The following SHKBP1 variants were observed in gnomAD, a reference collection of about 807,000 sequenced individuals.
SHKBP1 encodes SH3KBP1 binding protein 1.
Under a neutral mutation model 83.9 loss-of-function variants are expected in SHKBP1, and 71 were observed. The observed-to-expected ratio is 0.85, with a 90% CI of 0.70 to 1.03. SHKBP1 has a LOEUF of 1.03. Among genes scored for constraint, SHKBP1 ranks in the 50% least tolerant of loss-of-function variants. The pLI is 0.00. For missense variants in SHKBP1, 824 were observed against 982.4 expected (o/e 0.84, Z 2.16); for synonymous variants, 371 against 398.0 (o/e 0.93, Z 0.81).
At chr19:40,577,845 T>C (rs2081231720) in intron 4 of SHKBP1, 1 of 642,812 alleles carries the variant, frequency 1.6e-6, no homozygotes, top group Non-Finnish European at 2.7e-6. Context: ...ATTTGGAGAC[T>C]AGCCTGGGCA....
At chr19:40,578,837 A>T (rs2081244629) in intron 6 of SHKBP1, among the ~76,000 whole-genome samples, 1 of 152,050 alleles carries the variant, frequency 6.6e-6, no homozygotes, top group Non-Finnish European at 1.5e-5. Context: ...GATTCTTCGT[A>T]TGGAGGGGAG....
At chr19:40,587,825 G>GC (rs549682760) in intron 13 of SHKBP1, among the ~76,000 whole-genome samples, 1 of 151,998 alleles carries the variant, frequency 6.6e-6, no homozygotes, top group South Asian at 2.1e-4. Flanking sequence ...GATCACTTGA[G>GC]CCCAAGAGTC....
chr19:40,586,670 C>G, intron 12 of SHKBP1, 104 bp from the exon 13 acceptor site: 2 of 1,216,060 alleles, frequency 1.6e-6, no homozygotes, highest in Non-Finnish European at 2.2e-6. Flanking sequence ...CCGGCCTCTC[C>G]TTGCTTTCTG....
rs2081219310 is a variant in SHKBP1 at position 40,577,066 on chromosome 19, C to G, written c.86+81C>G. 5 of 1,315,958 alleles carry G rather than the reference C, an allele frequency of 3.8e-6. No homozygotes were observed. The East Asian group carries it at 1.2e-4, about 33-fold the overall frequency. 81.5% of individuals were successfully genotyped at this position (1,315,958 alleles called of 1,614,324 possible). On this transcript the variant is annotated intron_variant, in intron 1 of 17. Coordinates refer to ENST00000291842, the MANE Select transcript of SHKBP1 (RefSeq NM_138392.4). ...GTATCCGCCTCTCCTGGGGGAATCC[C>G]TGTCCATCAAGGGTTGCTCCGCCCC...
At chr19:40,578,374 G>A (rs920815738) in intron 5 of SHKBP1, 88 bp from the exon 6 acceptor site, 1 of 1,506,240 alleles carries the variant, frequency 6.6e-7, no homozygotes, top group East Asian at 2.3e-5. Flanking sequence ...AGGAGTATTG[G>A]TACTCTGTGT....
chr19:40,582,613 T>C, intron 10 of SHKBP1, 147 bp downstream of exon 10: 1 of 654,242 alleles, frequency 1.5e-6, no homozygotes, highest in South Asian at 1.9e-5. Flanking sequence ...TGGGGATGTC[T>C]GTGATAAAGG....
In SHKBP1 at chr19:40,591,023, G is replaced by T. The variant is rs1292470367; in HGVS notation, c.1940G>T (p.Ser647Ile). ...ACCTCCTTGTCTGGCCACCGTGGGAGCCCAAGCCCCCCGCAGGCTGAGGCC... is the reference window on the plus strand; with the variant it reads ...ACCTCCTTGTCTGGCCACCGTGGGATCCCAAGCCCCCCGCAGGCTGAGGCC... Reference protein sequence around the residue: ...SNTSLSGHRGSPSPPQAEARR... With the variant: ...SNTSLSGHRGIPSPPQAEARR... The change falls in exon 18 of 18, where the codon AGC becomes ATC. Residue 647 changes from serine to isoleucine, a missense_variant. Physicochemically the swap from Ser to Ile is moderately radical, Grantham distance 142. Around this residue, in one of 3 missense-constraint regions of SHKBP1, gnomAD observed 287 missense variants for 322.9 expected, o/e 0.89. Transcript: ENST00000291842. 4 of 1,612,346 alleles carry T rather than the reference G, an allele frequency of 2.5e-6. No homozygotes were observed. In the African/African-American group the frequency reaches 4.0e-5, roughly 16 times the overall value.
intron 9 of SHKBP1, 84 bp downstream of exon 9, chr19:40,581,020 A>C: frequency 7.6e-7 from 1 of 1,312,036 alleles, no homozygotes; most frequent in Non-Finnish European, 1.0e-6. Context: ...AAATCCTCAA[A>C]CCCATAAGAA....
At chr19:40,584,198 G>A (rs566928143) in intron 12 of SHKBP1, among the ~76,000 whole-genome samples, 63 of 152,274 alleles carry the variant, frequency 4.1e-4, no homozygotes, top group Non-Finnish European at 8.4e-4. Flanking sequence ...CTGTATATAA[G>A]CACGTTCTAG....
In SHKBP1 at chr19:40,590,987, C is replaced by A; in HGVS notation, c.1904C>A (p.Ala635Asp). ...PRISLTSLHS[A>D]SSNTSLSGHR... The stretch of plus-strand genomic sequence containing the variant: ...CCTTACTTCCTCAGCCTCCACTCAG[C>A]CTCCAGCAACACCTCCTTGTCTGGC... Residue 635 changes from alanine to aspartate, a missense_variant, in exon 18 of 18, where the codon GCC (alanine) becomes GAC (aspartate). Around this residue, in one of 3 missense-constraint regions of SHKBP1, gnomAD observed 287 missense variants for 322.9 expected, o/e 0.89. Coordinates refer to ENST00000291842, the MANE Select transcript of SHKBP1 (RefSeq NM_138392.4). This position sits in a 1 kb window ranked among gnomAD's most constrained non-coding sequence, Gnocchi z 4.6. 6.2e-7 allele frequency: 1 copy of A among 1,605,032 alleles called. No individual in the cohort carries two copies. Among genetic ancestry groups the A allele is most frequent in the Non-Finnish European group, 8.5e-7 (1 of 1,172,852 alleles).
Position 40,588,764 on chromosome 19 carries a change from G to A in SHKBP1, c.1477G>A (p.Ala493Thr). The A allele has an allele frequency of 1.9e-6, 3 of 1,613,438 alleles. No individual in the cohort carries two copies. Among genetic ancestry groups the A allele is most frequent in the Non-Finnish European group, 2.5e-6 (3 of 1,180,014 alleles). ...ESADGHGGCS[A>T]GNDIGPYGER... Reference sequence around the variant, plus strand: ...GGCAGATGGGCATGGCGGCTGCAGTGCTGGCAATGACATTGGTGCCTACTG... The same window carrying A: ...GGCAGATGGGCATGGCGGCTGCAGTACTGGCAATGACATTGGTGCCTACTG... The change falls in exon 14 of 18, where the codon GCT (alanine) becomes ACT (threonine). Residue 493 changes from alanine (A) to threonine (T), a missense_variant. Ala to Thr is a moderately conservative substitution (Grantham distance 58). Coordinates refer to ENST00000291842, the MANE Select transcript of SHKBP1 (RefSeq NM_138392.4).
chr19:40,582,624 C>A, intron 10 of SHKBP1, 158 bp downstream of exon 10: 1 of 618,200 alleles, frequency 1.6e-6, no homozygotes, highest in South Asian at 2.0e-5. Flanking sequence ...GTGATAAAGG[C>A]CTAAGGAGCA....
chr19:40,577,136 G>A, intron 1 of SHKBP1, 95 bp from the exon 2 acceptor site: 1 of 1,503,356 alleles, frequency 6.7e-7, no homozygotes, highest in South Asian at 1.2e-5. Flanking sequence ...GCCGGGGGAG[G>A]GGGAAGGGGA....
At position 40,582,336 on chromosome 19, in the gene SHKBP1, T is replaced by G. The variant is rs778540431; in HGVS notation, c.845-15T>G. 2 of 1,610,602 alleles carry G rather than the reference T, an allele frequency of 1.2e-6. No homozygotes were observed. Among genetic ancestry groups the G allele is most frequent in the South Asian group, 2.2e-5 (2 of 91,004 alleles). ...TGAGGCAGGGTTCCAGCTGAGCCCT[T>G]TTTGCCCACTGCAGGGGTCTTTCAT... On this transcript the variant is annotated splice_polypyrimidine_tract_variant and intron_variant, in intron 9 of 17. Coordinates refer to ENST00000291842, the MANE Select transcript of SHKBP1 (RefSeq NM_138392.4).
chr19:40,583,658 A>C lies in SHKBP1; in HGVS notation c.1106A>C (p.Tyr369Ser). Residue 369 changes from tyrosine to serine, a missense_variant, in exon 12 of 18, where the codon TAT becomes TCT. Physicochemically the swap from Tyr to Ser is moderately radical, Grantham distance 144 (BLOSUM62 -2). Coordinates refer to ENST00000291842, the MANE Select transcript of SHKBP1 (RefSeq NM_138392.4). Reference sequence around the variant, plus strand: ...AACGACCTCCTTGTCAGCGAGCTCTATCGGGACCCAGCGGAGGATGGGGTC... The same window carrying C: ...AACGACCTCCTTGTCAGCGAGCTCTCTCGGGACCCAGCGGAGGATGGGGTC... ...KDNDLLVSEL[Y>S]RDPAEDGVTA... is the part of the protein sequence containing the mutation. The C allele has an allele frequency of 6.2e-7, 1 of 1,613,806 alleles. No individual in the cohort carries two copies. Among genetic ancestry groups the C allele is most frequent in the Non-Finnish European group, 8.5e-7 (1 of 1,179,904 alleles).
rs538336868 is a variant in SHKBP1 at position 40,589,080 on chromosome 19, A to G, written c.1493-2A>G. 4.3e-6 allele frequency: 7 copies of G among 1,611,704 alleles called. No homozygotes were observed. The Admixed American group carries it at 8.3e-5, about 19-fold the overall frequency. On this transcript the variant is annotated splice_acceptor_variant, in intron 14 of 17. Coordinates refer to ENST00000291842, the MANE Select transcript of SHKBP1 (RefSeq NM_138392.4). LOFTEE classifies it high-confidence loss of function. ...CCTGACCCCTGCCCCTGCCTGGCCC[A>G]GGCCCCTACGGTGAGCGGGACGACC...
At chr19:40,588,808 C>G (rs1314648850) in intron 14 of SHKBP1, 29 bp downstream of exon 14, 1 of 1,608,268 alleles carries the variant, frequency 6.2e-7, no homozygotes, top group African/African-American at 1.3e-5. Context: ...CCTTCCCACC[C>G]CACTGACCCC....
chr19:40,589,876 A>C (rs964025177), intron 15 of SHKBP1, among the ~76,000 whole-genome samples: 6 of 151,824 alleles, frequency 4.0e-5, no homozygotes, highest in Admixed American at 6.6e-5. Flanking sequence ...GGAAGGGCTG[A>C]GGCTTTGTCC....
At chr19:40,587,529 T>A (rs573425916) in intron 13 of SHKBP1, among the ~76,000 whole-genome samples, 8 of 152,228 alleles carry the variant, frequency 5.3e-5, no homozygotes, top group African/African-American at 7.2e-5. Context: ...AGGCGGAGAT[T>A]GCAGAGAGCC....
Sources: gnomAD v4.1 joint callset for allele counts (sites outside exome capture counted in the v4.1 genomes callset) on GRCh38, gnomAD v4.1.1 for gene constraint, gnomAD v4.1.1 regional missense constraint, Gnocchi (gnomAD v3.1) non-coding constraint, MANE v1.5 for transcripts, NCBI Gene and HGNC (gene_info 2026-07-23, HGNC 2026-07-21) for gene names.